The following LARP1B variants were observed in gnomAD, a reference collection of about 807,000 sequenced individuals.
LARP1B encodes the protein La ribonucleoprotein 1B.
In LARP1B, 76 loss-of-function variants were observed where a neutral mutation model predicts 114.2. The observed-to-expected ratio is 0.67, with a 90% CI of 0.55 to 0.81. LARP1B has a LOEUF of 0.81. Ranked by LOEUF, LARP1B falls within the 30% of genes least tolerant of loss-of-function variation. The probability of loss-of-function intolerance (pLI) is 0.00; values close to 1 mark genes in which losing one functional copy is unlikely to be tolerated. For synonymous variants in LARP1B, 345 were observed against 348.0 expected (o/e 0.99, Z 0.10); for missense variants, 1,014 against 1,075.8 (o/e 0.94, Z 0.80).
At chr4:128,199,945 G>A (rs192594025) in intron 16 of LARP1B, among the ~76,000 whole-genome samples, 4 of 152,256 alleles carry the variant, frequency 2.6e-5, no homozygotes, top group Admixed American at 2.0e-4. Context: ...AGTTAGCTGG[G>A]TGTGATGGCA....
At chr4:128,180,613 A>G (rs1359388834) in intron 15 of LARP1B, among the ~76,000 whole-genome samples, 1 of 152,166 alleles carries the variant, frequency 6.6e-6, no homozygotes, top group Non-Finnish European at 1.5e-5. Context: ...GGAGCAGTAT[A>G]TGTAGAGATC....
intron 1 of LARP1B, among the ~76,000 whole-genome samples, chr4:128,067,510 G>A (rs998092430): frequency 6.6e-6 from 1 of 151,970 alleles, no homozygotes; most frequent in African/African-American, 2.4e-5. Context: ...TTGATGCCTC[G>A]GCCCTTGTGA....
At chr4:128,143,131 A>G (rs887441001) in intron 11 of LARP1B, among the ~76,000 whole-genome samples, 1 of 151,984 alleles carries the variant, frequency 6.6e-6, no homozygotes, top group Non-Finnish European at 1.5e-5. Flanking sequence ...CTAAAAATGT[A>G]AAAATTAGCT....
chr4:128,103,996 T>C (rs553779108), intron 8 of LARP1B, among the ~76,000 whole-genome samples: 1 of 151,790 alleles, frequency 6.6e-6, no homozygotes, highest in East Asian at 1.9e-4. Flanking sequence ...AATTTATACA[T>C]TATTATTATT....
At chr4:128,155,612 C>T (rs917368746) in intron 11 of LARP1B, 4 of 1,142,896 alleles carry the variant, frequency 3.5e-6, no homozygotes, top group South Asian at 1.2e-5. Flanking sequence ...TAGTCCAGCC[C>T]CCTACAACCC....
In LARP1B at chr4:128,211,159, T is replaced by C; in HGVS notation, c.*1106T>C. ...ATTTTTTGAATTGATTTTTAATTAT[T>C]TTTATTTAGAATATAGTTGAAAAGC... On this transcript the variant is annotated 3_prime_UTR_variant, in exon 20 of 20. Coordinates refer to ENST00000326639, the MANE Select transcript of LARP1B (RefSeq NM_018078.4). 1 of 915,290 alleles carries C rather than the reference T, an allele frequency of 1.1e-6. No homozygotes were observed. The highest frequency in any genetic ancestry group is 1.3e-6 in the Non-Finnish European group (1 of 766,116). The allele number at this position is 915,290 out of a possible 1,614,324, so 56.7% of individuals were successfully genotyped here. A position where few individuals can be genotyped will look rare whatever the true frequency, so the allele number is the denominator to read the frequency against.
chr4:128,213,415 G>A (rs1310074318), downstream of LARP1B, among the ~76,000 whole-genome samples: 1 of 151,918 alleles, frequency 6.6e-6, no homozygotes, highest in Admixed American at 6.6e-5. Flanking sequence ...ATAAATTTAT[G>A]GAGTGTTTTC....
At chr4:128,195,529 G>A (rs1392028084) in intron 15 of LARP1B, among the ~76,000 whole-genome samples, 1 of 152,094 alleles carries the variant, frequency 6.6e-6, no homozygotes, top group Non-Finnish European at 1.5e-5. Context: ...TCCAGGCACT[G>A]TGCTCAACAT....
At chr4:128,099,677 G>A (rs1779570271) in intron 8 of LARP1B, among the ~76,000 whole-genome samples, 1 of 151,772 alleles carries the variant, frequency 6.6e-6, no homozygotes, top group Non-Finnish European at 1.5e-5. Flanking sequence ...TTTGGAGAGT[G>A]TGAGTAAAGC....
At chr4:128,154,029 C>T (rs1257662764) in intron 11 of LARP1B, among the ~76,000 whole-genome samples, 3 of 152,152 alleles carry the variant, frequency 2.0e-5, no homozygotes, top group South Asian at 2.1e-4. Flanking sequence ...ATAGGATGTT[C>T]TTGGCTCTAG....
chr4:128,213,310 T>A (rs1454323638), downstream of LARP1B, among the ~76,000 whole-genome samples: 1 of 152,346 alleles, frequency 6.6e-6, no homozygotes, highest in East Asian at 1.9e-4. Context: ...AGGTCACTAA[T>A]GAGCAATAAT....
chr4:128,180,029 G>A (rs1428773643), intron 15 of LARP1B, among the ~76,000 whole-genome samples: 4 of 152,070 alleles, frequency 2.6e-5, no homozygotes, highest in Non-Finnish European at 5.9e-5. Flanking sequence ...AAATCTCTTA[G>A]AGTGCCAGTG....
At chr4:128,103,464 GTTAC>G (rs1780981063) in intron 8 of LARP1B, among the ~76,000 whole-genome samples, 1 of 151,408 alleles carries the variant, frequency 6.6e-6, no homozygotes, top group African/African-American at 2.4e-5. Context: ...AGTGGTCAGT[GTTAC>G]TTCTTTCTTG....
chr4:128,221,146 T>C (rs1340673888), intron 7 of LARP1B, among the ~76,000 whole-genome samples: 1 of 152,174 alleles, frequency 6.6e-6, no homozygotes, highest in African/African-American at 2.4e-5. Flanking sequence ...ACATAAATTA[T>C]GTGATAAATG....
At chr4:128,150,991 A>G (rs1732539916) in intron 11 of LARP1B, among the ~76,000 whole-genome samples, 1 of 152,170 alleles carries the variant, frequency 6.6e-6, no homozygotes, top group East Asian at 1.9e-4. Flanking sequence ...AATGTTATGA[A>G]TATTTTTCTG....
chr4:128,144,144 G>T (rs926665523), intron 11 of LARP1B, among the ~76,000 whole-genome samples: 14 of 152,144 alleles, frequency 9.2e-5, no homozygotes, highest in Admixed American at 3.9e-4. Flanking sequence ...AAAAATGTAT[G>T]GTGGAGGTGT....
At chr4:128,085,443 G>A (rs1773083288) in intron 5 of LARP1B, among the ~76,000 whole-genome samples, 2 of 142,280 alleles carry the variant, frequency 1.4e-5, no homozygotes, top group African/African-American at 5.3e-5. Context: ...ATAGCTCACT[G>A]CAGTCTTGAA....
In LARP1B at chr4:128,220,047, G is replaced by A. The variant is rs563866581; in HGVS notation, n.849-308G>A. 1.1e-4 allele frequency among the ~76,000 whole-genome samples: 17 copies of A among 151,946 alleles called. No homozygotes were observed. In the East Asian group the frequency reaches 2.9e-3, roughly 26 times the overall value. On this transcript the variant is annotated intron_variant and non_coding_transcript_variant, in intron 6 of 7. Coordinates refer to the LARP1B transcript ENST00000503725. ...ATTACAGGCATGTGCCACCACGCCC[G>A]GCTAATTTTTTATTTTTAATAGAGA...
chr4:128,069,154 T>G, intron 1 of LARP1B: 1 of 1,112,496 alleles, frequency 9.0e-7, no homozygotes, highest in Non-Finnish European at 1.4e-6. Context: ...TGCATCTTCC[T>G]ATGCTTGTGG....
Sources: gnomAD v4.1 joint callset for allele counts (sites outside exome capture counted in the v4.1 genomes callset) on GRCh38, gnomAD v4.1.1 for gene constraint, MANE v1.5 for transcripts, NCBI Gene and HGNC (gene_info 2026-07-23, HGNC 2026-07-21) for gene names.